SFI1: variants seen among roughly 807,000 people sequenced by gnomAD.
The protein encoded by SFI1 is protein SFI1 homolog.
SFI1 carries 195 observed loss-of-function variants against 207.5 expected under a neutral mutation model. The ratio of observed to expected loss-of-function variants is 0.94; its 90% confidence interval spans 0.84 to 1.06. The LOEUF is 1.06. Among genes scored for constraint, SFI1 ranks in the 50% least tolerant of loss-of-function variants. The pLI, the probability that SFI1 is intolerant of heterozygous loss-of-function variation, is 0.00. For missense variants in SFI1, 1,634 were observed against 1,588.0 expected (o/e 1.03, Z -0.49); for synonymous variants, 630 against 598.9 (o/e 1.05, Z -0.76).
intron 24 of SFI1, chr22:31,612,391 AAAAAAAAATATATATATAT>A (rs991989453): frequency 1.7e-5 from 2 of 119,550 alleles, no homozygotes; most frequent in East Asian, 3.1e-4. Flanking sequence ...AAAAAAAAAA[AAAAAAAAATATATATATAT>A]ATATATATAT....
At chr22:31,556,389 T>G (rs998384620) in intron 6 of SFI1, among the ~76,000 whole-genome samples, 2 of 152,076 alleles carry the variant, frequency 1.3e-5, no homozygotes, top group African/African-American at 4.8e-5. Flanking sequence ...ACCTGGCTAA[T>G]TTTTGTACTT....
intron 22 of SFI1, 102 bp from the exon 23 acceptor site, chr22:31,611,041 T>G: frequency 6.7e-7 from 1 of 1,495,922 alleles, no homozygotes. Context: ...ACACCTGAAC[T>G]CTATCCCTGC....
In SFI1 at chr22:31,611,233, A is replaced by G. The variant is rs1306980545; in HGVS notation, c.2345A>G (p.His782Arg). 2 of 1,613,544 alleles carry G rather than the reference A, an allele frequency of 1.2e-6. No individual in the cohort carries two copies. The highest frequency in any genetic ancestry group is 3.3e-5 in the Admixed American group (2 of 59,990). Residue 782 changes from histidine to arginine, a missense_variant, in exon 23 of 33, where the codon CAC (histidine) becomes CGC (arginine). By Grantham distance (29) the His-to-Arg change is conservative. Transcript: ENST00000400288. Reference protein sequence around the residue: ...RLQLERAVQHHHRQLLLEGLA... With the variant: ...RLQLERAVQHRHRQLLLEGLA... ...CAGCTGGAGAGGGCAGTGCAACACCACCACCGGCAGCTGCTGCTGGAGGGG... is the reference window on the plus strand; with the variant it reads ...CAGCTGGAGAGGGCAGTGCAACACCGCCACCGGCAGCTGCTGCTGGAGGGG...
chr22:31,583,132 A>C (rs573826676), intron 12 of SFI1, among the ~76,000 whole-genome samples: 2 of 151,900 alleles, frequency 1.3e-5, no homozygotes, highest in Admixed American at 1.3e-4. Flanking sequence ...TGTTTGTTTG[A>C]GATGGAGTTT....
chr22:31,586,128 G>A (rs1180474345), intron 14 of SFI1, among the ~76,000 whole-genome samples: 1 of 151,976 alleles, frequency 6.6e-6, no homozygotes, highest in Non-Finnish European at 1.5e-5. Context: ...ACTGCACTCT[G>A]ACCAGTTAAG....
chr22:31,565,272 G>A (rs1397882200), intron 8 of SFI1, among the ~76,000 whole-genome samples: 3 of 151,888 alleles, frequency 2.0e-5, no homozygotes, highest in Non-Finnish European at 4.4e-5. Context: ...ATAAAAATAT[G>A]TGCACATATC....
chr22:31,532,684 TCTTC>T (rs985099179), intron 4 of SFI1, among the ~76,000 whole-genome samples: 2 of 152,184 alleles, frequency 1.3e-5, no homozygotes, highest in African/African-American at 4.8e-5. Context: ...CTGTTCCATC[TCTTC>T]CTTTTTGTAT....
intron 5 of SFI1, among the ~76,000 whole-genome samples, chr22:31,549,948 G>A (rs2060472995): frequency 6.6e-6 from 1 of 150,882 alleles, no homozygotes; most frequent in South Asian, 2.1e-4. Context: ...TTTGTTTCTT[G>A]AGACAGAGTC....
chr22:31,501,775 A>G (rs1162903115), intron 1 of SFI1, among the ~76,000 whole-genome samples: 1 of 152,218 alleles, frequency 6.6e-6, no homozygotes, highest in Non-Finnish European at 1.5e-5. Context: ...TACTCTCAAC[A>G]TTTTGTTAAA....
intron 2 of SFI1, among the ~76,000 whole-genome samples, chr22:31,515,685 A>G (rs2056390075): frequency 6.7e-6 from 1 of 149,836 alleles, no homozygotes; most frequent in Admixed American, 6.7e-5. Context: ...TGCCAGCCTC[A>G]TTGTGATTCC....
intron 2 of SFI1, 34 bp from the exon 3 acceptor site, chr22:31,528,656 T>G: frequency 3.8e-6 from 6 of 1,590,486 alleles, no homozygotes; most frequent in Non-Finnish European, 5.2e-6. Context: ...GATAACTTTA[T>G]TCTCTCCTTG....
At chr22:31,569,644 T>G (rs535257830) in intron 8 of SFI1, among the ~76,000 whole-genome samples, 76 of 152,258 alleles carry the variant, frequency 5.0e-4, no homozygotes, top group South Asian at 2.9e-3. Flanking sequence ...CCACTCTGGC[T>G]GTTGTGTTAG....
chr22:31,612,834 G>T, intron 24 of SFI1: 1 of 390,980 alleles, frequency 2.6e-6, no homozygotes, highest in Non-Finnish European at 4.7e-6. Flanking sequence ...GCATCCACAC[G>T]TCCCCAGCTC....
rs756949154 is a variant in SFI1, at chr22:31,615,077, G to A, written c.3098G>A (p.Gly1033Asp). ...RPQKPQEHGL[G>D]MAQPAAPSLT... is the part of the protein sequence containing the mutation. ...CAGAAGCCACAGGAACATGGCCTAG[G>A]CATGGCTCAGCCAGCAGCCCCCTCC... The change falls in exon 29 of 33, where the codon GGC (glycine) becomes GAC (aspartate). Residue 1033 changes from glycine (G) to aspartate (D), a missense_variant. Gly to Asp is a moderately conservative substitution (Grantham distance 94). Coordinates refer to ENST00000400288, the MANE Select transcript of SFI1 (RefSeq NM_001007467.3). 1.9e-6 allele frequency: 3 copies of A among 1,608,866 alleles called. No individual in the cohort carries two copies. Among genetic ancestry groups the A allele is most frequent in the South Asian group, 1.1e-5 (1 of 90,708 alleles).
chr22:31,612,174 C>T (rs896626734), intron 24 of SFI1: 58 of 601,376 alleles, frequency 9.6e-5, no homozygotes, highest in African/African-American at 4.2e-5. Context: ...GTCAGGAGAT[C>T]GAGACCATCC....
chr22:31,609,428 T>C (rs906877238), intron 22 of SFI1, among the ~76,000 whole-genome samples: 3 of 152,128 alleles, frequency 2.0e-5, no homozygotes, highest in Non-Finnish European at 4.4e-5. Flanking sequence ...AGGGGTCCCA[T>C]AGTAGGAGAA....
At chr22:31,529,253 C>CA (rs1159341235) in intron 3 of SFI1, among the ~76,000 whole-genome samples, 1 of 152,148 alleles carries the variant, frequency 6.6e-6, no homozygotes, top group Non-Finnish European at 1.5e-5. Context: ...TTTCTTCATT[C>CA]AAAAATTTAT....
At chr22:31,576,610 C>T (rs552585994) in intron 10 of SFI1, among the ~76,000 whole-genome samples, 93 of 152,078 alleles carry the variant, frequency 6.1e-4, no homozygotes, top group African/African-American at 1.4e-3. Context: ...CGTGAGCCAC[C>T]GCGTCCAGCT....
Position 31,561,279 on chromosome 22 carries a change from C to CTGT in SFI1, c.663-9_663-7dup. 3.1e-6 allele frequency: 5 copies of CTGT among 1,611,584 alleles called. No individual in the cohort carries two copies. The highest frequency in any genetic ancestry group is 4.2e-6 in the Non-Finnish European group (5 of 1,178,386). ...ACTGATGGATTCCATCTTTGATTTG[C>CTGT]TGTTTCACAGGGTGTGGTGGAGCAC... On this transcript the variant is annotated splice_polypyrimidine_tract_variant and intron_variant, in intron 7 of 32. Transcript: ENST00000400288.
Sources: gnomAD v4.1 joint callset for allele counts (sites outside exome capture counted in the v4.1 genomes callset) on GRCh38, gnomAD v4.1.1 for gene constraint, MANE v1.5 for transcripts, NCBI Gene and HGNC (gene_info 2026-07-23, HGNC 2026-07-21) for gene names.